The following EFNA5 variants were observed in gnomAD, a reference collection of about 807,000 sequenced individuals.
The protein encoded by EFNA5 is ephrin A5.
Under a neutral mutation model 22.9 loss-of-function variants are expected in EFNA5, and 5 were observed. The observed-to-expected ratio is 0.22, with a 90% confidence interval of 0.11 to 0.46. EFNA5 has a LOEUF of 0.46. EFNA5 is among the 20% of genes least tolerant of loss of function. EFNA5 has a pLI of 0.99. For missense variants in EFNA5, 237 were observed against 293.3 expected (o/e 0.81, Z 1.40); for synonymous variants, 113 against 112.2 (o/e 1.01, Z -0.04).
intron 2 of EFNA5, among the ~76,000 whole-genome samples, chr5:107,401,783 C>G (rs1480036091): frequency 6.6e-6 from 1 of 152,210 alleles, no homozygotes; most frequent in Non-Finnish European, 1.5e-5. Context: ...GGCCAAGCCA[C>G]TGGGTTCAGA....
intron 1 of EFNA5, among the ~76,000 whole-genome samples, chr5:107,430,770 CTTTCTTTTT>C (rs1561382884): frequency 8.6e-5 from 9 of 104,816 alleles, no homozygotes; most frequent in Non-Finnish European, 8.1e-5. Flanking sequence ...TTATTTCTTT[CTTTCTTTTT>C]TTTTTTTTTT....
At chr5:107,542,355 T>C (rs922130776) in intron 1 of EFNA5, among the ~76,000 whole-genome samples, 4 of 152,176 alleles carry the variant, frequency 2.6e-5, no homozygotes, top group African/African-American at 9.7e-5. Flanking sequence ...ACAGTGAGAA[T>C]TTCCTGTGGA....
chr5:107,543,269 C>G (rs1049414323), intron 1 of EFNA5, among the ~76,000 whole-genome samples: 2 of 152,202 alleles, frequency 1.3e-5, no homozygotes, highest in African/African-American at 4.8e-5. Flanking sequence ...AAGCTGGGGA[C>G]TCCAGGTTAA....
At chr5:107,570,203 C>T (rs1748772386) in intron 1 of EFNA5, among the ~76,000 whole-genome samples, 1 of 152,136 alleles carries the variant, frequency 6.6e-6, no homozygotes, top group Non-Finnish European at 1.5e-5. Flanking sequence ...CCTTAAAGTC[C>T]GTAATTACAT....
rs1451573363 is a variant in EFNA5, at chr5:107,585,206, A to G, written c.125+85283T>C. Among the ~76,000 whole-genome samples the G allele has an allele frequency of 3.3e-5, 5 of 152,194 alleles. No homozygotes were observed. The East Asian group carries it at 9.6e-4, about 29-fold the overall frequency. ...GCAATATCAATGGCAATAAGTAGGT[A>G]CAATTTTCTGCTTTTCACTTATCAT... On this transcript the variant is annotated intron_variant, in intron 1 of 4. Transcript: ENST00000333274.
At chr5:107,569,834 CAAAAAA>C (rs67306022) in intron 1 of EFNA5, among the ~76,000 whole-genome samples, 3 of 86,590 alleles carry the variant, frequency 3.5e-5, no homozygotes, top group African/African-American at 7.0e-5. Flanking sequence ...CCTGGGAGAC[CAAAAAA>C]AAAAAAAAAA....
chr5:107,532,159 G>T (rs1260964892), intron 1 of EFNA5, among the ~76,000 whole-genome samples: 1 of 152,224 alleles, frequency 6.6e-6, no homozygotes, highest in African/African-American at 2.4e-5. Flanking sequence ...TGGGGAGATG[G>T]GCAGGAGGAA....
At chr5:107,637,048 G>A (rs1169791458) in intron 1 of EFNA5, among the ~76,000 whole-genome samples, 1 of 152,126 alleles carries the variant, frequency 6.6e-6, no homozygotes, top group Admixed American at 6.6e-5. Flanking sequence ...GGCCAGTAAT[G>A]ACCATGACAA....
intron 1 of EFNA5, among the ~76,000 whole-genome samples, chr5:107,483,745 A>T (rs1485727579): frequency 6.6e-6 from 1 of 152,222 alleles, no homozygotes; most frequent in Non-Finnish European, 1.5e-5. Flanking sequence ...GATTCTAGAT[A>T]AATATTTAGT....
intron 1 of EFNA5, among the ~76,000 whole-genome samples, chr5:107,657,420 A>G (rs941818637): frequency 1.3e-5 from 2 of 152,078 alleles, no homozygotes; most frequent in Non-Finnish European, 2.9e-5. Flanking sequence ...GTCACCCCCA[A>G]ATTCACTGTT....
At chr5:107,643,528 C>T (rs1750568468) in intron 1 of EFNA5, among the ~76,000 whole-genome samples, 1 of 152,226 alleles carries the variant, frequency 6.6e-6, no homozygotes, top group East Asian at 1.9e-4. Context: ...CAAAAGGGTC[C>T]CATGGTCCCA....
intron 1 of EFNA5, among the ~76,000 whole-genome samples, chr5:107,570,289 C>T (rs888612473): frequency 2.6e-5 from 4 of 152,234 alleles, no homozygotes; most frequent in African/African-American, 9.6e-5. Flanking sequence ...TAATATCCCA[C>T]ATTTCACATC....
chr5:107,619,799 C>G (rs1276657487), intron 1 of EFNA5, among the ~76,000 whole-genome samples: 4 of 152,122 alleles, frequency 2.6e-5, no homozygotes, highest in Non-Finnish European at 5.9e-5. Context: ...AGTAGCATCA[C>G]AATCCTTAGG....
intron 1 of EFNA5, among the ~76,000 whole-genome samples, chr5:107,614,381 G>T (rs1429985631): frequency 2.0e-5 from 3 of 152,142 alleles, no homozygotes; most frequent in Non-Finnish European, 4.4e-5. Context: ...GTATTTTAAA[G>T]AATGTCAAAT....
At chr5:107,489,896 G>T (rs1196798151) in intron 1 of EFNA5, among the ~76,000 whole-genome samples, 2 of 152,154 alleles carry the variant, frequency 1.3e-5, no homozygotes, top group Non-Finnish European at 2.9e-5. Flanking sequence ...GAGGGGACCT[G>T]GCTGAAACAG....
intron 1 of EFNA5, among the ~76,000 whole-genome samples, chr5:107,491,087 T>C (rs1056432980): frequency 6.6e-6 from 1 of 152,186 alleles, no homozygotes; most frequent in African/African-American, 2.4e-5. Flanking sequence ...AGAGAGCACA[T>C]GTGTTATCAG....
chr5:107,512,394 A>AC (rs1454414292), intron 1 of EFNA5, among the ~76,000 whole-genome samples: 2 of 151,534 alleles, frequency 1.3e-5, no homozygotes, highest in African/African-American at 4.9e-5. Flanking sequence ...ACAACAAAAA[A>AC]CACAAAAACC....
At chr5:107,400,669 G>C (rs995164607) in intron 2 of EFNA5, among the ~76,000 whole-genome samples, 1 of 152,180 alleles carries the variant, frequency 6.6e-6, no homozygotes, top group Non-Finnish European at 1.5e-5. Flanking sequence ...TGGTAGGAGT[G>C]AATAAGCGAA....
chr5:107,400,827 C>T (rs550654472), intron 2 of EFNA5, among the ~76,000 whole-genome samples: 4 of 152,288 alleles, frequency 2.6e-5, no homozygotes, highest in African/African-American at 9.6e-5. Flanking sequence ...TTTTATATTT[C>T]CTCTTGCTAA....
Sources: allele counts gnomAD v4.1 joint callset (sites outside exome capture counted in the v4.1 genomes callset), GRCh38; gene constraint gnomAD v4.1.1; transcripts MANE v1.5; gene names NCBI Gene and HGNC (gene_info 2026-07-23, HGNC 2026-07-21).